Variants in SLA observed in about 807,000 individuals in gnomAD.
SLA encodes src-like-adapter.
Under a neutral mutation model 30.3 loss-of-function variants are expected in SLA, and 16 were observed. The observed-to-expected ratio is 0.53, with a 90% confidence interval of 0.36 to 0.80. The LOEUF is 0.80. SLA is among the 30% of genes least tolerant of loss of function. SLA has a pLI of 0.01. For synonymous variants in SLA, 143 were observed against 137.8 expected (o/e 1.04, Z -0.26); for missense variants, 310 against 345.2 (o/e 0.90, Z 0.81).
chr8:133,058,534 C>T (rs1015045016), intron 3 of SLA, among the ~76,000 whole-genome samples: 3 of 152,226 alleles, frequency 2.0e-5, no homozygotes, highest in Non-Finnish European at 4.4e-5. Context: ...GAGGTGACGA[C>T]CCAAGATGGG....
chr8:133,039,544 A>G (rs1837756025), intron 8 of SLA, among the ~76,000 whole-genome samples: 1 of 152,230 alleles, frequency 6.6e-6, no homozygotes, highest in African/African-American at 2.4e-5. Context: ...TGGAATAAAC[A>G]GAACAAATCC....
At position 133,085,515 on chromosome 8, in the gene SLA, A is replaced by G. The variant is rs117796986; in HGVS notation, c.-318-10385T>C. On this transcript the variant is annotated intron_variant, in intron 1 of 8. Transcript: ENST00000338087. ...ACACTTACAACTCAGTAACAAAAAG[A>G]CAGATAACTCAATCTGAAAATAAGC... 3.0e-4 allele frequency among the ~76,000 whole-genome samples: 46 copies of G among 152,308 alleles called. No homozygotes were observed. The East Asian group carries it at 7.1e-3, about 24-fold the overall frequency.
chr8:133,094,846 C>T (rs1848168951), intron 1 of SLA: 1 of 700,044 alleles, frequency 1.4e-6, no homozygotes, highest in South Asian at 1.6e-5. Flanking sequence ...CCTAGAGAGA[C>T]ATCTTCAGTA....
At chr8:133,084,417 A>T (rs1846209793) in intron 1 of SLA, among the ~76,000 whole-genome samples, 1 of 152,178 alleles carries the variant, frequency 6.6e-6, no homozygotes, top group African/African-American at 2.4e-5. Flanking sequence ...AATGGAAGGG[A>T]GGCTCAGGAG....
At position 133,102,555 on chromosome 8, in the gene SLA, G is replaced by A. The variant is rs1312319227; in HGVS notation, c.-321C>T. ...TGACAGCAAAGTTAGCAACCTACCGGTGGAGCATCAGGGCTGCCTGAGATG... is the reference window on the plus strand; with the variant it reads ...TGACAGCAAAGTTAGCAACCTACCGATGGAGCATCAGGGCTGCCTGAGATG... On this transcript the variant is annotated splice_region_variant and 5_prime_UTR_variant, in exon 1 of 9. Coordinates refer to ENST00000338087, the MANE Select transcript of SLA (RefSeq NM_001045556.3). 9.7e-6 allele frequency: 15 copies of A among 1,551,522 alleles called. No homozygotes were observed. Among genetic ancestry groups the A allele is most frequent in the Non-Finnish European group, 1.3e-5 (15 of 1,146,914 alleles).
intron 3 of SLA, among the ~76,000 whole-genome samples, chr8:133,056,844 A>G (rs1226428606): frequency 6.6e-6 from 1 of 152,128 alleles, no homozygotes; most frequent in Non-Finnish European, 1.5e-5. Context: ...CAGGACTAAA[A>G]GCTGGTCTGT....
intron 1 of SLA, chr8:133,096,104 A>G: frequency 2.1e-6 from 3 of 1,431,420 alleles, no homozygotes; most frequent in South Asian, 1.2e-5. Context: ...AGAGTCATAG[A>G]TGGATAACCA....
chr8:133,052,262 T>A (rs1028069505), intron 3 of SLA, among the ~76,000 whole-genome samples: 1 of 152,228 alleles, frequency 6.6e-6, no homozygotes, highest in Non-Finnish European at 1.5e-5. Context: ...GTTATGCTTA[T>A]CGATTGATAA....
At chr8:133,050,777 T>A (rs1275949204) in intron 4 of SLA, 39 bp downstream of exon 4, 2 of 1,307,424 alleles carry the variant, frequency 1.5e-6, no homozygotes, top group Admixed American at 3.4e-5. Flanking sequence ...AAGTTTATCC[T>A]GCTTTGAAGA....
chr8:133,095,216 C>T lies in SLA; in HGVS notation c.-319+7337G>A, dbSNP rs1361023022. ...AATGATGCCCAGACCAAGGTGAGCACTTAAGTGCAAGTTGGGAAGGGACAT... is the reference window on the plus strand; with the variant it reads ...AATGATGCCCAGACCAAGGTGAGCATTTAAGTGCAAGTTGGGAAGGGACAT... On this transcript the variant is annotated intron_variant, in intron 1 of 8. Transcript: ENST00000338087. 1.2e-6 allele frequency: 2 copies of T among 1,614,206 alleles called. No homozygotes were observed. Among genetic ancestry groups the T allele is most frequent in the Non-Finnish European group, 8.5e-7 (1 of 1,180,040 alleles).
At chr8:133,088,753 G>A (rs1453226194) in intron 1 of SLA, among the ~76,000 whole-genome samples, 2 of 152,140 alleles carry the variant, frequency 1.3e-5, no homozygotes, top group Non-Finnish European at 2.9e-5. Context: ...TAGTTTTGAT[G>A]CCTTTTTTCC....
intron 2 of SLA, among the ~76,000 whole-genome samples, chr8:133,069,656 G>A (rs528891901): frequency 5.1e-4 from 77 of 152,146 alleles, no homozygotes; most frequent in Non-Finnish European, 8.5e-4. Flanking sequence ...TTCTACTCTC[G>A]GCTGGGGCTC....
intron 1 of SLA, among the ~76,000 whole-genome samples, chr8:133,099,093 A>C (rs944235027): frequency 1.3e-5 from 2 of 152,202 alleles, no homozygotes; most frequent in African/African-American, 4.8e-5. Flanking sequence ...CACCAGCAGG[A>C]GGCTCACTGC....
chr8:133,040,354 A>G (rs1837986772), intron 7 of SLA: 3 of 538,698 alleles, frequency 5.6e-6, no homozygotes, highest in Admixed American at 3.2e-5. Context: ...TTAGCCAGGC[A>G]TGGGCAGAGA....
At chr8:133,068,711 G>C (rs1812944174) in intron 2 of SLA, among the ~76,000 whole-genome samples, 1 of 152,250 alleles carries the variant, frequency 6.6e-6, no homozygotes, top group Non-Finnish European at 1.5e-5. Flanking sequence ...GTCTTATGAA[G>C]AGCTGTCTGG....
At chr8:133,081,277 T>G (rs569399226) in intron 1 of SLA, among the ~76,000 whole-genome samples, 5 of 152,260 alleles carry the variant, frequency 3.3e-5, no homozygotes, top group African/African-American at 1.2e-4. Flanking sequence ...CCCAAAGATG[T>G]GATCCGTAAC....
intron 1 of SLA, among the ~76,000 whole-genome samples, chr8:133,100,642 T>C (rs561128683): frequency 1.3e-5 from 2 of 152,248 alleles, no homozygotes; most frequent in South Asian, 4.2e-4. Flanking sequence ...CAGTTCTATC[T>C]GCCTCCAAAT....
At chr8:133,071,658 G>T (rs1054458448) in intron 2 of SLA, among the ~76,000 whole-genome samples, 4 of 151,988 alleles carry the variant, frequency 2.6e-5, no homozygotes, top group Admixed American at 2.6e-4. Context: ...AGGAGTGGGG[G>T]GAGGAGGCGC....
At chr8:133,089,858 A>G (rs1394614210) in intron 1 of SLA, 2 of 151,772 alleles carry the variant, frequency 1.3e-5, no homozygotes, top group Non-Finnish European at 2.9e-5. Flanking sequence ...TGTTCCTCCC[A>G]TTTATTTCCT....
Sources: allele counts gnomAD v4.1 joint callset (sites outside exome capture counted in the v4.1 genomes callset), GRCh38; gene constraint gnomAD v4.1.1; transcripts MANE v1.5; gene names NCBI Gene and HGNC (gene_info 2026-07-23, HGNC 2026-07-21).